ABCD3: variants seen among roughly 807,000 people sequenced by gnomAD.
ABCD3 encodes the protein ATP binding cassette subfamily D member 3, also known as ATP-binding cassette sub-family D member 3.
In ABCD3, 41 loss-of-function variants were observed where a neutral mutation model predicts 105.5. That is an observed-to-expected ratio of 0.39 (90% CI 0.30 to 0.50). The LOEUF is 0.50. Among genes scored for constraint, ABCD3 ranks in the 20% least tolerant of loss-of-function variants. The pLI is 0.84. For missense variants in ABCD3, 622 were observed against 806.3 expected, an observed-to-expected ratio of 0.77 and a Z score of 2.77; for synonymous variants, 258 against 269.0, an observed-to-expected ratio of 0.96 and a Z score of 0.40.
At chr1:94,484,568 T>C (rs1203443982) in intron 10 of ABCD3, among the ~76,000 whole-genome samples, 1 of 152,160 alleles carries the variant, frequency 6.6e-6, no homozygotes, top group Non-Finnish European at 1.5e-5. Context: ...TTCTCACTCA[T>C]AGGTGGGAAT....
At chr1:94,419,339 C>G (rs576802257) in intron 1 of ABCD3, 540 of 985,314 alleles carry the variant, frequency 5.5e-4, no homozygotes, top group Non-Finnish European at 6.1e-4. Context: ...GATCAAGCTC[C>G]TTTTTAATGA....
intron 1 of ABCD3, among the ~76,000 whole-genome samples, chr1:94,437,270 A>G (rs1254695476): frequency 6.6e-6 from 1 of 152,228 alleles, no homozygotes; most frequent in Non-Finnish European, 1.5e-5. Context: ...TTTCATAGCT[A>G]GAGAAGATAA....
intron 16 of ABCD3, among the ~76,000 whole-genome samples, chr1:94,495,620 T>C (rs1649763470): frequency 6.6e-6 from 1 of 152,198 alleles, no homozygotes; most frequent in African/African-American, 2.4e-5. Context: ...CTGGTTATTA[T>C]TTATATACAT....
intron 1 of ABCD3, among the ~76,000 whole-genome samples, chr1:94,451,327 C>T (rs905097085): frequency 5.9e-5 from 9 of 152,072 alleles, no homozygotes; most frequent in African/African-American, 7.2e-5. Flanking sequence ...TTTTTTATTA[C>T]GGTCTGGAGA....
intron 2 of ABCD3, 112 bp downstream of exon 2, chr1:94,458,755 A>G: frequency 9.6e-7 from 1 of 1,040,890 alleles, no homozygotes; most frequent in Non-Finnish European, 1.5e-6. Context: ...ACTTAAAAAT[A>G]CTCCAGTCTT....
intron 21 of ABCD3, among the ~76,000 whole-genome samples, chr1:94,508,975 A>G (rs1650509151): frequency 6.6e-6 from 1 of 152,258 alleles, no homozygotes; most frequent in Admixed American, 6.5e-5. Flanking sequence ...AATACCCTTT[A>G]TTTCCTTGTC....
chr1:94,496,511 C>A (rs370250016), intron 16 of ABCD3, among the ~76,000 whole-genome samples: 1 of 151,400 alleles, frequency 6.6e-6, no homozygotes, highest in East Asian at 1.9e-4. Context: ...CCTCTTGGGT[C>A]GCTTCCTTGC....
At chr1:94,446,780 GT>G (rs1425495667) in intron 1 of ABCD3, among the ~76,000 whole-genome samples, 2 of 152,204 alleles carry the variant, frequency 1.3e-5, no homozygotes, top group Admixed American at 1.3e-4. Context: ...CATAGTTGGA[GT>G]TGGTAAAGCC....
intron 21 of ABCD3, among the ~76,000 whole-genome samples, chr1:94,507,157 C>T (rs1178417220): frequency 1.3e-5 from 2 of 149,940 alleles, no homozygotes; most frequent in East Asian, 4.0e-4. Flanking sequence ...CACCCCACAA[C>T]AGTCCCCAGA....
At chr1:94,483,094 A>G (rs560545115) in intron 9 of ABCD3, 76 bp from the exon 10 acceptor site, 12 of 948,588 alleles carry the variant, frequency 1.3e-5, no homozygotes, top group Non-Finnish European at 1.7e-5. Flanking sequence ...ACATTCAGCC[A>G]TCATATACTG....
At chr1:94,419,467 T>G in intron 1 of ABCD3, 2 of 485,476 alleles carry the variant, frequency 4.1e-6, no homozygotes, top group Non-Finnish European at 2.7e-6. Flanking sequence ...TACAGGTATG[T>G]ATGTCACATA....
intron 4 of ABCD3, among the ~76,000 whole-genome samples, chr1:94,473,064 C>G (rs1648563506): frequency 6.6e-6 from 1 of 152,014 alleles, no homozygotes; most frequent in South Asian, 2.1e-4. Context: ...AAAAGAGAAG[C>G]TAGTCTAGCT....
chr1:94,459,329 C>G (rs1274136107), intron 2 of ABCD3, among the ~76,000 whole-genome samples: 1 of 152,056 alleles, frequency 6.6e-6, no homozygotes, highest in African/African-American at 2.4e-5. Context: ...GGGTTCTGAT[C>G]CTTTTTCAGT....
intron 1 of ABCD3, among the ~76,000 whole-genome samples, chr1:94,449,128 C>T (rs1407853273): frequency 2.6e-5 from 4 of 152,168 alleles, no homozygotes; most frequent in Non-Finnish European, 5.9e-5. Context: ...AGGACCGAAT[C>T]AACAGCTGAT....
At chr1:94,464,952 G>C in intron 3 of ABCD3, 79 bp downstream of exon 3, 1 of 1,220,114 alleles carries the variant, frequency 8.2e-7, no homozygotes, top group Non-Finnish European at 1.2e-6. Context: ...AATTTATAAA[G>C]AAAAGAGATT....
chr1:94,425,725 C>T (rs1298007937), intron 1 of ABCD3, among the ~76,000 whole-genome samples: 2 of 152,154 alleles, frequency 1.3e-5, no homozygotes, highest in Non-Finnish European at 2.9e-5. Context: ...AAATTTTTTT[C>T]TACTTTACGG....
At position 94,473,901 on chromosome 1, in the gene ABCD3, G is replaced by A. The variant is rs556745505; in HGVS notation, c.405+66G>A. The stretch of plus-strand genomic sequence containing the variant: ...TTGCATCTTATTAAAATCTTTAAGG[G>A]TTTTACTTATTAAATTCTTTAAAGA... On this transcript the variant is annotated intron_variant, in intron 5 of 22. Coordinates refer to ENST00000370214, the MANE Select transcript of ABCD3 (RefSeq NM_002858.4). 4 of 1,270,796 alleles carry A rather than the reference G, an allele frequency of 3.1e-6. No individual in the cohort carries two copies. The African/African-American group carries it at 4.5e-5, about 14-fold the overall frequency. 78.7% of individuals were successfully genotyped at this position (1,270,796 alleles called of 1,614,324 possible).
intron 8 of ABCD3, 190 bp from the exon 9 acceptor site, chr1:94,480,273 GC>G (rs2101005794): frequency 1.6e-6 from 1 of 633,120 alleles, no homozygotes; most frequent in South Asian, 2.0e-5. Flanking sequence ...AAGAGGAAAA[GC>G]CCATGAGTAG....
chr1:94,517,181 TAGAA>T lies in ABCD3; in HGVS notation c.*55_*58del, dbSNP rs1264067284. 3 of 1,331,000 alleles carry T rather than the reference TAGAA, an allele frequency of 2.3e-6. No individual in the cohort carries two copies. Among genetic ancestry groups the T allele is most frequent in the Admixed American group, 1.7e-5 (1 of 59,316 alleles). The allele number at this position is 1,331,000 out of a possible 1,614,324, so 82.4% of individuals were successfully genotyped here. A position where few individuals can be genotyped will look rare whatever the true frequency, so the allele number is the denominator to read the frequency against. ...CAGTGAAATAATTACAGAATATACT[TAGAA>T]AGGCAAAGTACATTGTAAAATAAAG... is the stretch of plus-strand genomic sequence containing the variant. On this transcript the variant is annotated 3_prime_UTR_variant, in exon 23 of 23. Coordinates refer to ENST00000370214, the MANE Select transcript of ABCD3 (RefSeq NM_002858.4).
Sources: allele counts gnomAD v4.1 joint callset (sites outside exome capture counted in the v4.1 genomes callset), GRCh38; gene constraint gnomAD v4.1.1; transcripts MANE v1.5; gene names NCBI Gene and HGNC (gene_info 2026-07-23, HGNC 2026-07-21).